Variants in WDFY4 observed in about 807,000 individuals in gnomAD.
WDFY4 encodes the protein WDFY family member 4.
A neutral mutation model predicts 351.9 loss-of-function variants in WDFY4; 169 were observed. The observed-to-expected ratio is 0.48, with a 90% confidence interval of 0.42 to 0.55. The LOEUF (loss-of-function observed/expected upper bound fraction) is 0.55, where lower values mean the gene tolerates loss of function less well. Among genes scored for constraint, WDFY4 ranks in the 20% least tolerant of loss-of-function variants. The probability of loss-of-function intolerance (pLI) is 0.00; values close to 1 mark genes in which losing one functional copy is unlikely to be tolerated. For missense variants in WDFY4, 3,803 were observed against 3,935.6 expected (o/e 0.97, Z 0.90); for synonymous variants, 1,622 against 1,574.6 (o/e 1.03, Z -0.71).
At chr10:48,876,635 T>C (rs1217114927) in intron 42 of WDFY4, among the ~76,000 whole-genome samples, 4 of 152,140 alleles carry the variant, frequency 2.6e-5, no homozygotes, top group African/African-American at 4.8e-5. Flanking sequence ...ATTGTTTCTA[T>C]CATGAGAAAA....
intron 47 of WDFY4, among the ~76,000 whole-genome samples, chr10:48,923,821 T>C (rs1168518381): frequency 1.3e-5 from 2 of 152,084 alleles, no homozygotes; most frequent in Non-Finnish European, 2.9e-5. Context: ...TTCTACTATC[T>C]AAGATAAAAT....
chr10:48,761,100 C>G (rs1397694904), intron 13 of WDFY4, among the ~76,000 whole-genome samples: 2 of 152,080 alleles, frequency 1.3e-5, no homozygotes, highest in African/African-American at 4.8e-5. Flanking sequence ...GAAGCCGTCT[C>G]TAGATGGTGA....
At chr10:48,728,507 T>C (rs2064344958) in intron 7 of WDFY4, among the ~76,000 whole-genome samples, 1 of 152,200 alleles carries the variant, frequency 6.6e-6, no homozygotes. Flanking sequence ...CCTCCTCCTC[T>C]GAGGGGTATA....
intron 47 of WDFY4, chr10:48,935,241 GA>G (rs1416608384): frequency 1.3e-5 from 2 of 152,254 alleles, no homozygotes; most frequent in African/African-American, 4.8e-5. Context: ...AGAGACTTAG[GA>G]CCTGGAGGTC....
In WDFY4 at chr10:48,975,281, C is replaced by T. The variant is rs190782092; in HGVS notation, c.9108+240C>T. 3,433 of 620,638 alleles carry T rather than the reference C, an allele frequency of 5.5e-3. 11 individuals carry two copies. Among genetic ancestry groups the T allele is most frequent in the Non-Finnish European group, 7.6e-3 (2,751 of 360,232 alleles). 38.4% of individuals were successfully genotyped at this position (620,638 alleles called of 1,614,324 possible). On this transcript the variant is annotated intron_variant, in intron 58 of 61. Coordinates refer to ENST00000325239, the MANE Select transcript of WDFY4 (RefSeq NM_001394531.1). ...ACAGTGGGAAGTGTCTGCTTTGCTG[C>T]GGGCACCAGGGGGCTGCAGCTGAAA...
chr10:48,917,733 A>G (rs1387676074), intron 47 of WDFY4, among the ~76,000 whole-genome samples: 1 of 152,266 alleles, frequency 6.6e-6, no homozygotes, highest in Non-Finnish European at 1.5e-5. Context: ...AGAAATGTCC[A>G]AGGAAGTTCT....
At chr10:48,699,671 C>T (rs2063426969) in intron 1 of WDFY4, among the ~76,000 whole-genome samples, 2 of 152,198 alleles carry the variant, frequency 1.3e-5, no homozygotes, top group South Asian at 4.1e-4. Context: ...TGCAGCTGGC[C>T]TGCCACACAC....
intron 47 of WDFY4, among the ~76,000 whole-genome samples, chr10:48,917,748 G>A (rs1320202703): frequency 6.6e-6 from 1 of 152,202 alleles, no homozygotes. Flanking sequence ...AGTTCTTCAG[G>A]TGAAAGGGAA....
rs576169758 is a variant in WDFY4 at position 48,788,995 on chromosome 10, C to T, written c.3954+320C>T. On this transcript the variant is annotated intron_variant, in intron 21 of 61. Coordinates refer to ENST00000325239, the MANE Select transcript of WDFY4 (RefSeq NM_001394531.1). ...CCTAGTCCTGGGTATTAATGACCCA[C>T]TAACACTGAGATATTCTTTGAGTTG... Among the ~76,000 whole-genome samples the T allele has an allele frequency of 3.3e-4, 50 of 152,202 alleles. No individual in the cohort carries two copies. The South Asian group carries it at 1.0e-2, about 30-fold the overall frequency.
intron 53 of WDFY4, among the ~76,000 whole-genome samples, chr10:48,962,095 GGTCAGCT>G (rs1383432375): frequency 1.3e-5 from 2 of 152,268 alleles, no homozygotes; most frequent in Non-Finnish European, 2.9e-5. Context: ...CCAGCAGAAG[GGTCAGCT>G]GTCCTGGCCT....
intron 53 of WDFY4, among the ~76,000 whole-genome samples, chr10:48,961,047 A>G (rs1025063129): frequency 2.0e-5 from 3 of 152,242 alleles, no homozygotes; most frequent in Non-Finnish European, 4.4e-5. Flanking sequence ...TGAACTGGGC[A>G]TTTTAAAAGG....
chr10:48,920,691 T>C (rs750320420), intron 47 of WDFY4, among the ~76,000 whole-genome samples: 1 of 152,152 alleles, frequency 6.6e-6, no homozygotes, highest in Admixed American at 6.6e-5. Flanking sequence ...AATAAAGGCA[T>C]ACAGACAGAA....
chr10:48,890,766 C>T (rs370229705), intron 44 of WDFY4, 39 bp downstream of exon 44: 1 of 1,549,368 alleles, frequency 6.5e-7, no homozygotes, highest in Middle Eastern at 1.7e-4. Context: ...CTTCCCTGAG[C>T]CCCATTCATC....
At chr10:48,936,597 G>A (rs201143478) in intron 47 of WDFY4, among the ~76,000 whole-genome samples, 20 of 122,916 alleles carry the variant, frequency 1.6e-4, no homozygotes, top group East Asian at 4.5e-4. Context: ...CAGCACTTTC[G>A]GAGGCCGAAG....
intron 43 of WDFY4, among the ~76,000 whole-genome samples, chr10:48,882,248 A>C (rs1186013430): frequency 1.3e-5 from 2 of 152,202 alleles, no homozygotes; most frequent in African/African-American, 2.4e-5. Flanking sequence ...GGACTGGAGC[A>C]GGCTGCCACA....
intron 6 of WDFY4, among the ~76,000 whole-genome samples, chr10:48,726,632 G>A (rs757228904): frequency 1.3e-5 from 2 of 152,178 alleles, no homozygotes; most frequent in Admixed American, 6.5e-5. Flanking sequence ...GTGATCTCAG[G>A]CACTTAACCA....
At chr10:48,975,693 G>A (rs1429819415) in intron 58 of WDFY4, among the ~76,000 whole-genome samples, 1 of 152,160 alleles carries the variant, frequency 6.6e-6, no homozygotes, top group Non-Finnish European at 1.5e-5. Context: ...AATGTTAGAT[G>A]AGTAGATGGA....
chr10:48,907,561 A>T (rs1837680406), intron 47 of WDFY4, among the ~76,000 whole-genome samples: 1 of 152,222 alleles, frequency 6.6e-6, no homozygotes, highest in South Asian at 2.1e-4. Flanking sequence ...AATGAAAGAC[A>T]AATAACTTAA....
intron 47 of WDFY4, among the ~76,000 whole-genome samples, chr10:48,914,880 G>A (rs1007848532): frequency 2.0e-5 from 3 of 152,202 alleles, no homozygotes; most frequent in East Asian, 3.8e-4. Context: ...GGGATGGGGG[G>A]TGCGGGCAAA....
Sources: gnomAD v4.1 joint callset for allele counts (sites outside exome capture counted in the v4.1 genomes callset) on GRCh38, gnomAD v4.1.1 for gene constraint, MANE v1.5 for transcripts, NCBI Gene and HGNC (gene_info 2026-07-23, HGNC 2026-07-21) for gene names.